The following OTOGL variants were observed in gnomAD, a reference collection of about 807,000 sequenced individuals.
OTOGL encodes the protein otogelin like.
OTOGL carries 285 observed loss-of-function variants against 318.5 expected under a neutral mutation model. The ratio of observed to expected loss-of-function variants is 0.89; its 90% CI spans 0.81 to 0.99. The LOEUF is 0.99. OTOGL is among the 50% of genes least tolerant of loss of function. The pLI is 0.00. For missense variants in OTOGL, 2,899 were observed against 2,845.6 expected (o/e 1.02, Z -0.43); for synonymous variants, 987 against 936.5 (o/e 1.05, Z -0.99).
chr12:80,250,735 GA>G (rs961028645), intron 11 of OTOGL, among the ~76,000 whole-genome samples: 9 of 152,170 alleles, frequency 5.9e-5, no homozygotes, highest in Non-Finnish European at 1.2e-4. Context: ...TAGTGACACT[GA>G]AAATGTTAAG....
At chr12:80,121,611 G>A (rs1870494874) in intron 1 of OTOGL, among the ~76,000 whole-genome samples, 1 of 152,090 alleles carries the variant, frequency 6.6e-6, no homozygotes, top group Non-Finnish European at 1.5e-5. Flanking sequence ...TAGCAGTTTT[G>A]ATTATCTTGT....
chr12:80,107,217 G>A (rs1214636000), intron 1 of OTOGL, among the ~76,000 whole-genome samples: 1 of 152,036 alleles, frequency 6.6e-6, no homozygotes, highest in Non-Finnish European at 1.5e-5. Flanking sequence ...AAGCCTTTTG[G>A]AACTTAAATT....
intron 1 of OTOGL, among the ~76,000 whole-genome samples, chr12:80,174,109 T>C (rs1451694280): frequency 6.6e-6 from 1 of 152,186 alleles, no homozygotes; most frequent in Non-Finnish European, 1.5e-5. Context: ...AACTGGGCAA[T>C]TGTTTAAACC....
At chr12:80,281,235 AATGAGAGTG>A (rs1453443656) in intron 26 of OTOGL, among the ~76,000 whole-genome samples, 1 of 151,716 alleles carries the variant, frequency 6.6e-6, no homozygotes. Flanking sequence ...TACTATGTTG[AATGAGAGTG>A]ATGAGAGTGG....
At chr12:80,323,058 GTGTT>G in intron 34 of OTOGL, among the ~76,000 whole-genome samples, 1 of 150,400 alleles carries the variant, frequency 6.6e-6, no homozygotes, top group East Asian at 2.0e-4. Context: ...TTCTAAACAA[GTGTT>G]TGGTATTATG....
rs558437597 is a variant in OTOGL at position 80,278,569 on chromosome 12, C to T, written c.2789+294C>T. Among the ~76,000 whole-genome samples the T allele has an allele frequency of 5.3e-5, 8 of 151,416 alleles. No individual in the cohort carries two copies. In the East Asian group the frequency reaches 5.8e-4, roughly 11 times the overall value. On this transcript the variant is annotated intron_variant, in intron 25 of 58. Coordinates refer to ENST00000547103, the MANE Select transcript of OTOGL (RefSeq NM_001378609.3). ...GTGCTAAATGTTACAAAGAAAAGAC[C>T]GTATTTAATGGAAGGTTTTCTGTTT... is the stretch of plus-strand genomic sequence containing the variant.
intron 44 of OTOGL, among the ~76,000 whole-genome samples, chr12:80,348,246 G>A (rs1889324744): frequency 6.6e-6 from 1 of 152,106 alleles, no homozygotes; most frequent in African/African-American, 2.4e-5. Context: ...GGTTTTTATG[G>A]TTTTAGGTCT....
chr12:80,342,789 A>C (rs1175509262), intron 44 of OTOGL, among the ~76,000 whole-genome samples: 1 of 152,194 alleles, frequency 6.6e-6, no homozygotes, highest in African/African-American at 2.4e-5. Context: ...GCCTAGTAGG[A>C]AGGGAAGTCT....
rs74108525 is a variant in OTOGL at position 80,151,922 on chromosome 12, C to T, written c.-20+52317C>T. On this transcript the variant is annotated intron_variant, in intron 1 of 58. Coordinates refer to ENST00000547103, the MANE Select transcript of OTOGL (RefSeq NM_001378609.3). ...TCACTTGTCTGTGCTTTGCAGTTCA[C>T]TTTACAGGTATTATCAGTTGGTGGT... is the stretch of plus-strand genomic sequence containing the variant. Among the ~76,000 whole-genome samples, 724 of 152,316 alleles carry T rather than the reference C, an allele frequency of 4.8e-3. 5 individuals carry two copies. The highest frequency in any genetic ancestry group is 0.017 in the African/African-American group (690 of 41,564).
chr12:80,108,656 T>C (rs1030407073), intron 1 of OTOGL, among the ~76,000 whole-genome samples: 21 of 150,800 alleles, frequency 1.4e-4, no homozygotes, highest in African/African-American at 4.9e-4. Context: ...AAATTGGTGG[T>C]TTTCTAATTC....
rs1891384514 is a variant in OTOGL, at chr12:80,380,214, G to A, written c.*2166G>A. ...AAATAGGGAAGAAATCTTAGATTGG[G>A]GAGAGCCATTCTAATTGTGACTCAG... On this transcript the variant is annotated 3_prime_UTR_variant, in exon 59 of 59. Coordinates refer to ENST00000547103, the MANE Select transcript of OTOGL (RefSeq NM_001378609.3). The A allele has an allele frequency of 6.6e-6, 1 of 151,834 alleles. No homozygotes were observed. Among genetic ancestry groups the A allele is most frequent in the Admixed American group, 6.6e-5 (1 of 15,218 alleles). 9.4% of individuals were successfully genotyped at this position (151,834 alleles called of 1,614,324 possible). A position where few individuals can be genotyped will look rare whatever the true frequency, so the allele number is the denominator to read the frequency against.
chr12:80,348,454 T>C (rs1889341209), intron 44 of OTOGL, among the ~76,000 whole-genome samples: 1 of 152,108 alleles, frequency 6.6e-6, no homozygotes. Flanking sequence ...TATTCCTGAG[T>C]CCTCTGTTCT....
At chr12:80,108,916 G>A (rs1038001492) in intron 1 of OTOGL, among the ~76,000 whole-genome samples, 9 of 117,220 alleles carry the variant, frequency 7.7e-5, no homozygotes, top group African/African-American at 3.0e-4. Flanking sequence ...GTATATATAT[G>A]TGTATATATA....
chr12:80,104,884 C>T lies in OTOGL; in HGVS notation c.-20+5279C>T, dbSNP rs182315701. ...CTGAGCCGGGCAGATCACCTGAGTTCGGGAGTTCGACACCTGCCTGACCAA... is the reference window on the plus strand; with the variant it reads ...CTGAGCCGGGCAGATCACCTGAGTTTGGGAGTTCGACACCTGCCTGACCAA... On this transcript the variant is annotated intron_variant, in intron 1 of 58. Coordinates refer to ENST00000547103, the MANE Select transcript of OTOGL (RefSeq NM_001378609.3). Among the ~76,000 whole-genome samples, 14 of 152,198 alleles carry T rather than the reference C, an allele frequency of 9.2e-5. No individual in the cohort carries two copies. In the East Asian group the frequency reaches 1.5e-3, roughly 17 times the overall value.
At chr12:80,122,894 T>TTATTTA (rs1565868102) in intron 1 of OTOGL, among the ~76,000 whole-genome samples, 1 of 103,472 alleles carries the variant, frequency 9.7e-6, no homozygotes, top group Non-Finnish European at 2.0e-5. Context: ...TTATTTTTAT[T>TTATTTA]TTTTTATTTT....
At chr12:80,301,802 A>C (rs576309778) in intron 27 of OTOGL, among the ~76,000 whole-genome samples, 2 of 152,334 alleles carry the variant, frequency 1.3e-5, no homozygotes, top group Non-Finnish European at 2.9e-5. Context: ...GGAAGCCTGA[A>C]ACCATAGATA....
intron 1 of OTOGL, among the ~76,000 whole-genome samples, chr12:80,149,753 T>A (rs948229534): frequency 4.6e-5 from 7 of 152,230 alleles, no homozygotes; most frequent in Non-Finnish European, 7.3e-5. Flanking sequence ...AAGCCAGGTG[T>A]GGGATATAAT....
chr12:80,289,944 G>A (rs1884922241), intron 26 of OTOGL, among the ~76,000 whole-genome samples: 1 of 149,264 alleles, frequency 6.7e-6, no homozygotes, highest in South Asian at 2.1e-4. Context: ...TCTGGGGTAT[G>A]AAAAAAAAAA....
At position 80,259,385 on chromosome 12, in the gene OTOGL, A is replaced by G. The variant is rs59502827; in HGVS notation, c.1889+1383A>G. ...TTTATTATTATTATTTTTATTTTAT[A>G]TTAAGTTCTAGGATACATATGCTGA... On this transcript the variant is annotated intron_variant, in intron 18 of 58. Coordinates refer to ENST00000547103, the MANE Select transcript of OTOGL (RefSeq NM_001378609.3). 2.3e-3 allele frequency among the ~76,000 whole-genome samples: 346 copies of G among 151,842 alleles called. 4 individuals carry two copies. The highest frequency in any genetic ancestry group is 8.0e-3 in the African/African-American group (332 of 41,458).
Sources: allele counts gnomAD v4.1 joint callset (sites outside exome capture counted in the v4.1 genomes callset), GRCh38; gene constraint gnomAD v4.1.1; transcripts MANE v1.5; gene names NCBI Gene and HGNC (gene_info 2026-07-23, HGNC 2026-07-21).